Variants in SPNS2 observed in about 807,000 individuals in gnomAD.
SPNS2 encodes the protein sphingosine-1-phosphate transporter SPNS2.
In SPNS2, 37 loss-of-function variants were observed where a neutral mutation model predicts 57.6. The observed-to-expected ratio is 0.64, with a 90% confidence interval of 0.49 to 0.85. The LOEUF is 0.85. Ranked by LOEUF, SPNS2 falls within the 40% of genes least tolerant of loss-of-function variation. SPNS2 has a pLI of 0.00. For synonymous variants in SPNS2, 440 were observed against 346.9 expected (o/e 1.27, Z -2.98); for missense variants, 831 against 779.1 (o/e 1.07, Z -0.79).
rs959331352 is a variant in SPNS2 at position 4,499,836 on chromosome 17, C to T, written c.370+419C>T. On this transcript the variant is annotated intron_variant, in intron 1 of 12. Coordinates refer to ENST00000329078, the MANE Select transcript of SPNS2 (RefSeq NM_001124758.3). The surrounding 1 kb of genome is among the most constrained non-coding windows in gnomAD (Gnocchi z 5.2). ...GCCCAGGTCGTCTGTCCGTCCATGG[C>T]CCGTCAGTTCCTTCCTTTCTCCGCC... is the stretch of plus-strand genomic sequence containing the variant. 2.0e-5 allele frequency among the ~76,000 whole-genome samples: 3 copies of T among 152,206 alleles called. No individual in the cohort carries two copies. The highest frequency in any genetic ancestry group is 4.4e-5 in the Non-Finnish European group (3 of 68,022).
chr17:4,509,600 C>T (rs536212237), intron 1 of SPNS2, among the ~76,000 whole-genome samples: 85 of 152,118 alleles, frequency 5.6e-4, no homozygotes, highest in African/African-American at 1.8e-3. Flanking sequence ...GCTGAGTGCA[C>T]GGGCCCAAGC....
rs751468982 is a variant in SPNS2 at position 4,536,292 on chromosome 17, G to A, written c.1473G>A (p.Lys491=). ...FISDLIRQST[K]DSPLWEFLSL... The stretch of plus-strand genomic sequence containing the variant: ...CAGACCTGATCCGCCAGAGCACTAA[G>A]GACTCCCCGCTCTGGGAGTTCCTGA... Residue 491 remains lysine (K), a synonymous_variant, in exon 11 of 13, where the codon AAG becomes AAA. Coordinates refer to ENST00000329078, the MANE Select transcript of SPNS2 (RefSeq NM_001124758.3). 2 of 1,612,530 alleles carry A rather than the reference G, an allele frequency of 1.2e-6. No homozygotes were observed. The highest frequency in any genetic ancestry group is 1.7e-6 in the Non-Finnish European group (2 of 1,179,946).
chr17:4,513,776 A>G (rs1904914326), intron 2 of SPNS2, among the ~76,000 whole-genome samples: 1 of 152,200 alleles, frequency 6.6e-6, no homozygotes, highest in African/African-American at 2.4e-5. Context: ...TAGGTGACGA[A>G]GCAAAAAACT....
intron 1 of SPNS2, among the ~76,000 whole-genome samples, chr17:4,503,037 C>T (rs1477839807): frequency 6.6e-6 from 1 of 152,214 alleles, no homozygotes; most frequent in East Asian, 1.9e-4. Context: ...TCTTACCGAG[C>T]GTTGCTTCAA....
At chr17:4,522,370 C>T (rs80050569) in intron 2 of SPNS2, among the ~76,000 whole-genome samples, 4,979 of 152,252 alleles carry the variant, frequency 0.033, 99 homozygotes, top group Middle Eastern at 0.058. Context: ...AGGGAGTGTG[C>T]CTCATGCCCG....
intron 2 of SPNS2, among the ~76,000 whole-genome samples, chr17:4,523,385 C>T (rs1377491484): frequency 4.6e-5 from 7 of 152,178 alleles, no homozygotes; most frequent in African/African-American, 1.2e-4. Context: ...TTGCAGTGAG[C>T]GGAAATCGCA....
intron 9 of SPNS2, 97 bp downstream of exon 9, chr17:4,533,950 T>G: frequency 8.8e-7 from 1 of 1,132,134 alleles, no homozygotes; most frequent in East Asian, 2.4e-5. Flanking sequence ...GCGGGAGAGC[T>G]GGTAGGAAGG....
rs757133924 is a variant in SPNS2, at chr17:4,538,912, TCTTC to T, written c.*1470_*1473del. On this transcript the variant is annotated 3_prime_UTR_variant, in exon 13 of 13. Transcript: ENST00000329078. ...AGAACCAGGTCCGAGTGTTGCCTCCTCTTCCTTCCGGAAGCCAAACTGCTCCTTT... is the reference window on the plus strand; with the variant it reads ...AGAACCAGGTCCGAGTGTTGCCTCCTCTTCCGGAAGCCAAACTGCTCCTTT... The T allele has an allele frequency of 1.9e-5, 15 of 781,814 alleles. No individual in the cohort carries two copies. In the Admixed American group the frequency reaches 2.4e-4, roughly 12 times the overall value. 48.4% of individuals were successfully genotyped at this position (781,814 alleles called of 1,614,324 possible).
At chr17:4,517,642 C>G (rs1479176247) in intron 2 of SPNS2, among the ~76,000 whole-genome samples, 1 of 152,004 alleles carries the variant, frequency 6.6e-6, no homozygotes, top group African/African-American at 2.4e-5. Context: ...GGTAACAAGA[C>G]CAAGACTCCG....
At chr17:4,530,585 A>C in intron 3 of SPNS2, 47 bp from the exon 4 acceptor site, 1 of 1,580,092 alleles carries the variant, frequency 6.3e-7, no homozygotes, top group Non-Finnish European at 8.6e-7. Flanking sequence ...GATGACAGGC[A>C]GACGGTGGGT....
In SPNS2 at chr17:4,537,476, C is replaced by T. The variant is rs750928056; in HGVS notation, c.*28C>T. 2.0e-5 allele frequency: 9 copies of T among 455,982 alleles called. No individual in the cohort carries two copies. The highest frequency in any genetic ancestry group is 7.0e-5 in the East Asian group (1 of 14,358). The allele number at this position is 455,982 out of a possible 1,614,324, so 28.2% of individuals were successfully genotyped here. On this transcript the variant is annotated 3_prime_UTR_variant, in exon 13 of 13. Coordinates refer to ENST00000329078, the MANE Select transcript of SPNS2 (RefSeq NM_001124758.3). The stretch of plus-strand genomic sequence containing the variant: ...AGGTGCCATTGGGACAATGAAGAAC[C>T]CACACTCCCACCTCGTCTGGGAGGT...
intron 2 of SPNS2, 28 bp from the exon 3 acceptor site, chr17:4,525,029 C>G (rs944625843): frequency 6.2e-6 from 10 of 1,607,742 alleles, no homozygotes; most frequent in East Asian, 2.2e-5. Flanking sequence ...GGACCTGGGC[C>G]CCCCCTCAAG....
At chr17:4,500,987 G>GC (rs1235125639) in intron 1 of SPNS2, among the ~76,000 whole-genome samples, 1 of 152,190 alleles carries the variant, frequency 6.6e-6, no homozygotes, top group African/African-American at 2.4e-5. Flanking sequence ...GCACCATGCT[G>GC]CCGGGGACCT....
intron 1 of SPNS2, among the ~76,000 whole-genome samples, chr17:4,504,690 G>T (rs191661643): frequency 7.4e-4 from 112 of 152,292 alleles, no homozygotes; most frequent in Admixed American, 2.3e-3. Flanking sequence ...GAGAGTGAGG[G>T]AGTCCAGGAG....
intron 5 of SPNS2, among the ~76,000 whole-genome samples, chr17:4,532,324 C>T (rs1905523423): frequency 6.6e-6 from 1 of 152,202 alleles, no homozygotes; most frequent in Non-Finnish European, 1.5e-5. Flanking sequence ...CACCTCTGGT[C>T]CTGCCCCTGG....
rs573180231 is a variant in SPNS2 at position 4,533,536 on chromosome 17, G to C, written c.1278+104G>C. ...GACTTACTGGATGTTCCCTTCCCTC[G>C]GGGAGGCTCCTATTCTCTGGCTGCC... On this transcript the variant is annotated intron_variant, in intron 8 of 12. Transcript: ENST00000329078. 35 of 1,293,028 alleles carry C rather than the reference G, an allele frequency of 2.7e-5. No homozygotes were observed. In the African/African-American group the frequency reaches 4.6e-4, roughly 17 times the overall value. 80.1% of individuals were successfully genotyped at this position (1,293,028 alleles called of 1,614,324 possible).
Position 4,506,683 on chromosome 17 carries a change from G to A in SPNS2, c.371-6564G>A, listed in dbSNP as rs181037927. On this transcript the variant is annotated intron_variant, in intron 1 of 12. Coordinates refer to ENST00000329078, the MANE Select transcript of SPNS2 (RefSeq NM_001124758.3). ...TCTCTCTAGGGCTAGCGGGGTCTGC[G>A]GGCAGGACTCGTGGGTGGGGAGGGG... Among the ~76,000 whole-genome samples the A allele has an allele frequency of 1.3e-3, 195 of 152,284 alleles. 6 individuals are homozygous for A. The highest frequency in any genetic ancestry group is 4.4e-5 in the Non-Finnish European group (3 of 68,014).
intron 9 of SPNS2, chr17:4,534,254 C>T (rs1011624988): frequency 1.8e-4 from 47 of 264,316 alleles, no homozygotes; most frequent in Non-Finnish European, 1.9e-4. Flanking sequence ...TGGGGCTGGG[C>T]GGACAGAGGC....
At chr17:4,529,030 G>A (rs987649562) in intron 3 of SPNS2, among the ~76,000 whole-genome samples, 48 of 151,458 alleles carry the variant, frequency 3.2e-4, no homozygotes, top group African/African-American at 9.2e-4. Flanking sequence ...TCCACCTCCC[G>A]AGTTCAAGCA....
Sources: gnomAD v4.1 joint callset for allele counts (sites outside exome capture counted in the v4.1 genomes callset) on GRCh38, gnomAD v4.1.1 for gene constraint, Gnocchi (gnomAD v3.1) non-coding constraint, MANE v1.5 for transcripts, NCBI Gene and HGNC (gene_info 2026-07-23, HGNC 2026-07-21) for gene names.